The following FKBP3 variants were observed in gnomAD, a reference collection of about 807,000 sequenced individuals.
The protein encoded by FKBP3 is FKBP prolyl isomerase 3, also known as peptidyl-prolyl cis-trans isomerase FKBP3.
Under a neutral mutation model 30.6 loss-of-function variants are expected in FKBP3, and 21 were observed. The observed-to-expected ratio is 0.69, with a 90% CI of 0.49 to 0.99. The LOEUF (loss-of-function observed/expected upper bound fraction) is 0.99. Among genes scored for constraint, FKBP3 ranks in the 50% least tolerant of loss-of-function variants. The pLI is 0.00. For missense variants in FKBP3, 283 were observed against 261.6 expected (o/e 1.08, Z -0.56); for synonymous variants, 82 against 91.3 (o/e 0.90, Z 0.58).
chr14:45,120,779 A>G lies in FKBP3; in HGVS notation c.522+108T>C. The G allele has an allele frequency of 5.7e-6, 5 of 878,872 alleles. No individual in the cohort carries two copies. The South Asian group carries it at 5.9e-5, about 10-fold the overall frequency. The allele number at this position is 878,872 out of a possible 1,614,324, so 54.4% of individuals were successfully genotyped here. A position where few individuals can be genotyped will look rare whatever the true frequency, so the allele number is the denominator to read the frequency against. On this transcript the variant is annotated intron_variant, in intron 5 of 6. Transcript: ENST00000396062. ...GATTATACCCAATCTGTCAGACTCC[A>G]AAGTCTGTTTCCTTTGTATTATATC...
chr14:45,129,823 C>A lies in FKBP3; in HGVS notation c.289G>T (p.Glu97Ter), dbSNP rs1258259998. The A allele has an allele frequency of 6.2e-7, 1 of 1,612,452 alleles. No individual in the cohort carries two copies. Among genetic ancestry groups the A allele is most frequent in the South Asian group, 1.1e-5 (1 of 90,956 alleles). ...NVKLNEDKPK[E>*]TKSEETLDEG... ...TCCAGGGTCTCTTCAGACTTGGTTT[C>A]TTTGGGTTTATCTTCATTAAGCTTC... Residue 97 changes from glutamate to a stop codon, truncating the protein, a stop_gained, in exon 3 of 7, where the codon GAA becomes TAA. Coordinates refer to ENST00000396062, the MANE Select transcript of FKBP3 (RefSeq NM_002013.4). LOFTEE classifies it high-confidence loss of function.
At chr14:45,130,850 G>T in intron 1 of FKBP3, 50 bp from the exon 2 acceptor site, 2 of 1,096,106 alleles carry the variant, frequency 1.8e-6, no homozygotes, top group Non-Finnish European at 2.7e-6. Context: ...CGAGTAAGAA[G>T]TGTCTAAAAT....
At chr14:45,116,310 C>T in intron 6 of FKBP3, 58 bp from the exon 7 acceptor site, 6 of 1,271,748 alleles carry the variant, frequency 4.7e-6, no homozygotes, top group Non-Finnish European at 6.9e-6. Flanking sequence ...CCCCCATAAC[C>T]TTAGTGTAGG....
intron 3 of FKBP3, 139 bp from the exon 4 acceptor site, chr14:45,121,759 CAG>C (rs1566704636): frequency 1.1e-5 from 10 of 886,676 alleles, no homozygotes; most frequent in Non-Finnish European, 1.7e-5. Context: ...ACAAAACCCT[CAG>C]TATCTAATTT....
Position 45,130,724 on chromosome 14 carries a change from G to C in FKBP3, c.185C>G (p.Ala62Gly), listed in dbSNP as rs1334095865. The change falls in exon 2 of 7, where the codon GCC becomes GGC. Residue 62 changes from alanine to glycine, a missense_variant. Coordinates refer to ENST00000396062, the MANE Select transcript of FKBP3 (RefSeq NM_002013.4). ...KTANKDHLVT[A>G]YNHLFETKRF... ...CTTAGTTTCAAAAAGATGGTTATAG[G>C]CTGTAACCAAGTGGTCCTTGTTAGC... The C allele has an allele frequency of 6.2e-7, 1 of 1,605,322 alleles. No individual in the cohort carries two copies.
chr14:45,130,606 A>C (rs1885191442), intron 2 of FKBP3, 93 bp downstream of exon 2: 1 of 710,200 alleles, frequency 1.4e-6, no homozygotes. Flanking sequence ...GAAAAGCTCC[A>C]ACACATTCAA....
At chr14:45,126,733 GTTAT>G (rs1184892400) in intron 3 of FKBP3, among the ~76,000 whole-genome samples, 1 of 152,122 alleles carries the variant, frequency 6.6e-6, no homozygotes, top group African/African-American at 2.4e-5. Flanking sequence ...TGTAGTCCCA[GTTAT>G]TCTGAGTATT....
chr14:45,128,394 G>C lies in FKBP3; in HGVS notation c.318+1400C>G, dbSNP rs556690336. ...AGGGACTGAGAATTTGTGAGAAAATGTCAAATACTTTATGTGAGCAATGAG... is the reference window on the plus strand; with the variant it reads ...AGGGACTGAGAATTTGTGAGAAAATCTCAAATACTTTATGTGAGCAATGAG... On this transcript the variant is annotated intron_variant, in intron 3 of 6. Transcript: ENST00000396062. Among the ~76,000 whole-genome samples, 16 of 152,256 alleles carry C rather than the reference G, an allele frequency of 1.1e-4. No individual in the cohort carries two copies. In the South Asian group the frequency reaches 3.3e-3, roughly 32 times the overall value.
chr14:45,133,230 G>C (rs571055557), intron 1 of FKBP3: 2 of 160,206 alleles, frequency 1.2e-5, no homozygotes, highest in South Asian at 1.2e-4. Flanking sequence ...CACTTTGGGA[G>C]GCCGAGGCGG....
intron 6 of FKBP3, 45 bp from the exon 7 acceptor site, chr14:45,116,297 C>T (rs780721941): frequency 2.8e-6 from 4 of 1,424,568 alleles, no homozygotes; most frequent in African/African-American, 1.4e-5. Context: ...TGCCTCTCCC[C>T]TACCCCCATA....
chr14:45,134,404 T>G lies in FKBP3; in HGVS notation c.53A>C (p.Glu18Ala). 6.2e-7 allele frequency: 1 copy of G among 1,613,530 alleles called. No homozygotes were observed. The highest frequency in any genetic ancestry group is 8.5e-7 in the Non-Finnish European group (1 of 1,179,656). The change falls in exon 1 of 7, where the codon GAG becomes GCG. Residue 18 changes from glutamate (E) to alanine (A), a missense_variant. Glu to Ala is a moderately radical substitution (Grantham distance 107, BLOSUM62 -1). Transcript: ENST00000396062. ...RAWTVEQLRS[E>A]QLPKKDIIKF... ...GATAATGTCCTTCTTGGGCAGCTGC[T>G]CACTGCGCAGCTGCTCCACGGTCCA...
intron 1 of FKBP3, 118 bp downstream of exon 1, chr14:45,134,231 C>T (rs1291158312): frequency 1.1e-6 from 1 of 879,974 alleles, no homozygotes; most frequent in Non-Finnish European, 1.8e-6. Flanking sequence ...CCTTCCAGGC[C>T]ACCGGCCGCG....
intron 6 of FKBP3, among the ~76,000 whole-genome samples, 183 bp from the exon 7 acceptor site, chr14:45,116,435 A>G (rs1884836390): frequency 6.6e-6 from 1 of 151,578 alleles, no homozygotes; most frequent in Non-Finnish European, 1.5e-5. Flanking sequence ...ACTATTAAGT[A>G]CTCCAAAACA....
At chr14:45,125,020 A>G (rs1010952628) in intron 3 of FKBP3, among the ~76,000 whole-genome samples, 1 of 152,120 alleles carries the variant, frequency 6.6e-6, no homozygotes, top group Non-Finnish European at 1.5e-5. Context: ...GAGTTCAAGC[A>G]ATTCTCCTGC....
intron 5 of FKBP3, among the ~76,000 whole-genome samples, chr14:45,118,986 A>G (rs1035657760): frequency 6.6e-6 from 1 of 152,060 alleles, no homozygotes; most frequent in African/African-American, 2.4e-5. Context: ...CCTCCCTAGT[A>G]GTTGGGATTA....
intron 5 of FKBP3, among the ~76,000 whole-genome samples, chr14:45,119,914 C>T (rs1186352131): frequency 1.3e-5 from 2 of 152,024 alleles, no homozygotes; most frequent in African/African-American, 4.8e-5. Context: ...TCTCGATCTC[C>T]TGACCGACCT....
intron 3 of FKBP3, among the ~76,000 whole-genome samples, chr14:45,121,821 C>G (rs1040584630): frequency 1.3e-5 from 2 of 152,148 alleles, no homozygotes; most frequent in Admixed American, 1.3e-4. Flanking sequence ...AATTTAATTT[C>G]AAATAACTTC....
intron 1 of FKBP3, among the ~76,000 whole-genome samples, chr14:45,134,041 C>T (rs1390884953): frequency 2.0e-5 from 3 of 152,220 alleles, no homozygotes; most frequent in African/African-American, 7.2e-5. Flanking sequence ...TCCGCCCTAG[C>T]CCCCAATATC....
intron 3 of FKBP3, among the ~76,000 whole-genome samples, chr14:45,126,271 C>T (rs1476637266): frequency 2.6e-5 from 4 of 151,708 alleles, no homozygotes; most frequent in South Asian, 2.1e-4. Flanking sequence ...GGGTGGATCA[C>T]GAGGTCAGGA....
Sources: gnomAD v4.1 joint callset for allele counts (sites outside exome capture counted in the v4.1 genomes callset) on GRCh38, gnomAD v4.1.1 for gene constraint, MANE v1.5 for transcripts, NCBI Gene and HGNC (gene_info 2026-07-23, HGNC 2026-07-21) for gene names.